NT5DC3: variants seen among roughly 807,000 people sequenced by gnomAD.
The protein encoded by NT5DC3 is 5'-nucleotidase domain containing 3, also known as 5'-nucleotidase domain-containing protein 3.
A neutral mutation model predicts 67.8 loss-of-function variants in NT5DC3; 42 were observed. The observed-to-expected ratio is 0.62, with a 90% CI of 0.48 to 0.80. The LOEUF (loss-of-function observed/expected upper bound fraction) is 0.80. Among genes scored for constraint, NT5DC3 ranks in the 30% least tolerant of loss-of-function variants. The pLI, the probability that NT5DC3 is intolerant of heterozygous loss-of-function variation, is 0.00. For synonymous variants in NT5DC3, 237 were observed against 255.6 expected (o/e 0.93, Z 0.69); for missense variants, 570 against 696.4 (o/e 0.82, Z 2.04).
At chr12:103,831,869 G>A (rs922819721) in intron 1 of NT5DC3, among the ~76,000 whole-genome samples, 9 of 148,026 alleles carry the variant, frequency 6.1e-5, no homozygotes, top group Non-Finnish European at 5.9e-5. Flanking sequence ...TTCACTTCCC[G>A]GGTTCAAGCC....
chr12:103,793,854 TG>T, intron 7 of NT5DC3, 82 bp downstream of exon 7: 1 of 1,147,188 alleles, frequency 8.7e-7, no homozygotes, highest in Non-Finnish European at 1.3e-6. Context: ...GCTTAGCACC[TG>T]GAATGCAAAG....
rs1352876552 is a variant in NT5DC3 at position 103,780,341 on chromosome 12, C to A, written c.1353G>T (p.Gln451His). 2 of 1,614,154 alleles carry A rather than the reference C, an allele frequency of 1.2e-6. No homozygotes were observed. The highest frequency in any genetic ancestry group is 1.7e-4 in the Middle Eastern group (1 of 6,058). The change falls in exon 13 of 14, where the codon CAG becomes CAT. Residue 451 changes from glutamine to histidine, a missense_variant. Transcript: ENST00000392876. ...QMQVHRDAES[Q>H]LVLQEWKKER... ...CCTTTTTCCACTCCTGCAAAACCAGCTGTGACTCAGCATCTCTGTGAACCT... is the reference window on the plus strand; with the variant it reads ...CCTTTTTCCACTCCTGCAAAACCAGATGTGACTCAGCATCTCTGTGAACCT...
chr12:103,777,636 G>A lies in NT5DC3; in HGVS notation c.*193C>T, dbSNP rs1885385798. 1.6e-6 allele frequency: 1 copy of A among 635,154 alleles called. No homozygotes were observed. 39.3% of individuals were successfully genotyped at this position (635,154 alleles called of 1,614,324 possible). A position where few individuals can be genotyped will look rare whatever the true frequency, so the allele number is the denominator to read the frequency against. ...AAGCTTGCCTTTCAGCCCTGCATGG[G>A]GGGAAAGGCTGGAGGGGTGGGCTGC... On this transcript the variant is annotated 3_prime_UTR_variant, in exon 14 of 14. Coordinates refer to ENST00000392876, the MANE Select transcript of NT5DC3 (RefSeq NM_001031701.3).
chr12:103,758,954 G>A, the NT5DC3 span, among the ~76,000 whole-genome samples: 13 of 152,246 alleles, frequency 8.5e-5, no homozygotes, highest in African/African-American at 2.4e-4. Flanking sequence ...GCTATAGGTG[G>A]CCTCTGGCAG....
the NT5DC3 span, chr12:103,758,038 A>C: frequency 7.4e-7 from 1 of 1,346,010 alleles, no homozygotes; most frequent in Non-Finnish European, 1.0e-6. Context: ...AAGACACAGC[A>C]AAGGAGCAGC....
Position 103,793,976 on chromosome 12 carries a change from T to C in NT5DC3, c.775A>G (p.Ile259Val), listed in dbSNP as rs1886186282. ...ATTGCTCTGTACATTATTCCTTTGA[T>C]GTGGACGTCTCGAATTGAATCCTGC... Reference protein sequence around the residue: ...DVKDSIRDVHIKGIMYRAIEA... With the variant: ...DVKDSIRDVHVKGIMYRAIEA... Residue 259 changes from isoleucine to valine, a missense_variant, in exon 7 of 14, where the codon ATC (isoleucine) becomes GTC (valine). By Grantham distance (29) the Ile-to-Val change is conservative (BLOSUM62 3). This residue lies in a region of NT5DC3 where 466 missense variants were observed against 608.0 expected (regional missense o/e 0.77). Coordinates refer to ENST00000392876, the MANE Select transcript of NT5DC3 (RefSeq NM_001031701.3). 3.7e-6 allele frequency: 6 copies of C among 1,613,842 alleles called. No homozygotes were observed. Among genetic ancestry groups the C allele is most frequent in the Non-Finnish European group, 5.1e-6 (6 of 1,179,722 alleles).
intron 2 of NT5DC3, among the ~76,000 whole-genome samples, chr12:103,811,098 T>C (rs1262693506): frequency 2.6e-5 from 4 of 152,194 alleles, no homozygotes; most frequent in Admixed American, 6.5e-5. Flanking sequence ...GTTTACTGAG[T>C]ACCTACTTTG....
intron 5 of NT5DC3, among the ~76,000 whole-genome samples, chr12:103,797,418 G>A (rs117053620): frequency 0.094 from 14,180 of 151,402 alleles, 905 homozygotes; most frequent in East Asian, 0.26. Context: ...TGCAATGAGC[G>A]GAGATGGCGC....
chr12:103,779,902 G>A (rs756622304), intron 13 of NT5DC3, among the ~76,000 whole-genome samples: 2 of 152,150 alleles, frequency 1.3e-5, no homozygotes, highest in African/African-American at 4.8e-5. Flanking sequence ...AGGGTCGTAG[G>A]AGCCCTAAGA....
intron 1 of NT5DC3, among the ~76,000 whole-genome samples, chr12:103,821,131 G>A (rs994984229): frequency 2.6e-5 from 4 of 152,212 alleles, no homozygotes; most frequent in Admixed American, 1.3e-4. Context: ...ACTACAACAT[G>A]AAGTGGAGGC....
At position 103,777,289 on chromosome 12, in the gene NT5DC3, T is replaced by A. The variant is rs189581769; in HGVS notation, c.*540A>T. On this transcript the variant is annotated 3_prime_UTR_variant, in exon 14 of 14. Coordinates refer to ENST00000392876, the MANE Select transcript of NT5DC3 (RefSeq NM_001031701.3). ...TTCTATTTGATGTGATGTGCCAGAA[T>A]GTCAAAGCCTTAGTACCAAATGATT... The A allele has an allele frequency of 1.3e-5, 2 of 154,398 alleles. No individual in the cohort carries two copies. Among genetic ancestry groups the A allele is most frequent in the Non-Finnish European group, 2.9e-5 (2 of 69,434 alleles). The allele number at this position is 154,398 out of a possible 1,614,324, so 9.6% of individuals were successfully genotyped here. A position where few individuals can be genotyped will look rare whatever the true frequency, so the allele number is the denominator to read the frequency against.
chr12:103,755,408 A>C, the NT5DC3 span: 1 of 1,614,116 alleles, frequency 6.2e-7, no homozygotes, highest in Non-Finnish European at 8.5e-7. Flanking sequence ...GGGATAGTGG[A>C]CTATGGACCT....
At chr12:103,757,090 T>A in the NT5DC3 span, among the ~76,000 whole-genome samples, 1 of 149,492 alleles carries the variant, frequency 6.7e-6, no homozygotes, top group Non-Finnish European at 1.5e-5. Flanking sequence ...TTATATATAT[T>A]TTGTTTGTTT....
chr12:103,776,846 G>C lies in NT5DC3; in HGVS notation c.*983C>G, dbSNP rs1044165681. The C allele has an allele frequency of 7.2e-5, 11 of 152,178 alleles. No homozygotes were observed. The highest frequency in any genetic ancestry group is 6.5e-4 in the Admixed American group (10 of 15,276). 9.4% of individuals were successfully genotyped at this position (152,178 alleles called of 1,614,324 possible). A position where few individuals can be genotyped will look rare whatever the true frequency, so the allele number is the denominator to read the frequency against. On this transcript the variant is annotated 3_prime_UTR_variant, in exon 14 of 14. Coordinates refer to ENST00000392876, the MANE Select transcript of NT5DC3 (RefSeq NM_001031701.3). Reference sequence around the variant, plus strand: ...CTCATTAGAGAGAAGCCAGGATCTTGTTTGTTTCCATCTAGACAAAGGACT... The same window carrying C: ...CTCATTAGAGAGAAGCCAGGATCTTCTTTGTTTCCATCTAGACAAAGGACT...
chr12:103,769,422 G>T (rs115557482), downstream of NT5DC3, among the ~76,000 whole-genome samples: 3 of 152,196 alleles, frequency 2.0e-5, no homozygotes, highest in African/African-American at 7.2e-5. Context: ...CCACTCCTGA[G>T]CCCTGAGGCA....
chr12:103,841,130 C>G lies in NT5DC3; in HGVS notation c.27G>C (p.Val9=). The change falls in exon 1 of 14, where the codon GTG becomes GTC. Residue 9 remains valine, a synonymous_variant. Transcript: ENST00000392876. The stretch of plus-strand genomic sequence containing the variant: ...CTGCCCTCGCCCCGGCCCCGCGTGC[C>G]ACCACCGCCGCCGCTGCCATGGTCA... MTMAAAAV[V]ARGAGARAAT... is the part of the protein sequence containing the mutation. The G allele has an allele frequency of 1.1e-6, 1 of 908,308 alleles. No homozygotes were observed. Among genetic ancestry groups the G allele is most frequent in the Non-Finnish European group, 1.5e-6 (1 of 673,390 alleles). 56.3% of individuals were successfully genotyped at this position (908,308 alleles called of 1,614,324 possible).
At chr12:103,828,897 C>A (rs1248638257) in intron 1 of NT5DC3, among the ~76,000 whole-genome samples, 3 of 152,056 alleles carry the variant, frequency 2.0e-5, no homozygotes, top group Non-Finnish European at 4.4e-5. Context: ...CAGGGTTTCA[C>A]CATGTTGGCC....
intron 1 of NT5DC3, among the ~76,000 whole-genome samples, chr12:103,825,168 C>T (rs1206455833): frequency 2.0e-5 from 3 of 152,184 alleles, no homozygotes; most frequent in Non-Finnish European, 2.9e-5. Context: ...ATATATTTTG[C>T]ATCGTCTCCG....
the NT5DC3 span, chr12:103,762,309 C>T: frequency 2.5e-6 from 4 of 1,614,228 alleles, no homozygotes; most frequent in Admixed American, 5.0e-5. Flanking sequence ...CAGGGATCTT[C>T]TTTGCCATCA....
Sources: gnomAD v4.1 joint callset for allele counts (sites outside exome capture counted in the v4.1 genomes callset) on GRCh38, gnomAD v4.1.1 for gene constraint, gnomAD v4.1.1 regional missense constraint, MANE v1.5 for transcripts, NCBI Gene and HGNC (gene_info 2026-07-23, HGNC 2026-07-21) for gene names.